The following FAM131B variants were observed in gnomAD, a reference collection of about 807,000 sequenced individuals.
FAM131B encodes the protein family with sequence similarity 131 member B, also known as protein FAM131B.
In FAM131B, 19 loss-of-function variants were observed where a neutral mutation model predicts 42.0. The ratio of observed to expected loss-of-function variants is 0.45; its 90% CI spans 0.32 to 0.66. The LOEUF (loss-of-function observed/expected upper bound fraction) is 0.66. FAM131B is among the 30% of genes least tolerant of loss of function. The pLI is 0.05. For missense variants in FAM131B, 370 were observed against 468.4 expected, an observed-to-expected ratio of 0.79 and a Z score of 1.94; for synonymous variants, 183 against 177.6, an observed-to-expected ratio of 1.03 and a Z score of -0.24.
the FAM131B span, among the ~76,000 whole-genome samples, chr7:143,374,367 A>T: frequency 6.6e-6 from 1 of 152,160 alleles, no homozygotes; most frequent in East Asian, 1.9e-4. Context: ...TCTGTGGACG[A>T]GTTCATGTCC....
chr7:143,359,038 C>T lies in FAM131B; in HGVS notation c.269-14G>A, dbSNP rs753457986. 2.5e-6 allele frequency: 4 copies of T among 1,611,444 alleles called. No individual in the cohort carries two copies. Among genetic ancestry groups the T allele is most frequent in the East Asian group, 4.5e-5 (2 of 44,840 alleles). On this transcript the variant is annotated splice_polypyrimidine_tract_variant and intron_variant, in intron 4 of 6. Transcript: ENST00000443739. This position sits in a 1 kb window ranked among gnomAD's most constrained non-coding sequence, Gnocchi z 5.4. Reference sequence around the variant, plus strand: ...TCCGTGAGATCCCTATGGGGCCAGACATTTCCCACATCCTCCAGAATATCA... The same window carrying T: ...TCCGTGAGATCCCTATGGGGCCAGATATTTCCCACATCCTCCAGAATATCA...
At position 143,359,737 on chromosome 7, in the gene FAM131B, T is replaced by C; in HGVS notation, c.169A>G (p.Ile57Val). The change falls in exon 3 of 7, where the codon ATC (isoleucine) becomes GTC (valine). Residue 57 changes from isoleucine to valine, a missense_variant. Ile to Val is a conservative substitution (Grantham distance 29, BLOSUM62 3). Coordinates refer to ENST00000443739, the MANE Select transcript of FAM131B (RefSeq NM_001031690.3). The surrounding 1 kb of genome is among the most constrained non-coding windows in gnomAD (Gnocchi z 5.4). ...QTRTDFSWDG[I>V]NLSMEDTTSI... Reference sequence around the variant, plus strand: ...CTGGGGGCAGCTGCACTCACGTTGATGCCGTCCCAGGAGAAATCAGTTCGA... The same window carrying C: ...CTGGGGGCAGCTGCACTCACGTTGACGCCGTCCCAGGAGAAATCAGTTCGA... 1 of 1,571,386 alleles carries C rather than the reference T, an allele frequency of 6.4e-7. No individual in the cohort carries two copies. The highest frequency in any genetic ancestry group is 8.6e-7 in the Non-Finnish European group (1 of 1,157,474).
chr7:143,361,295 C>G (rs1803958079), intron 1 of FAM131B: 1 of 135,814 alleles, frequency 7.4e-6, no homozygotes, highest in Non-Finnish European at 1.5e-5. Context: ...GATGGCCCTC[C>G]GGACACAGCA....
In FAM131B at chr7:143,356,959, C is replaced by T. The variant is rs1803688701; in HGVS notation, c.674G>A (p.Cys225Tyr). The change falls in exon 7 of 7, where the codon TGT becomes TAT. Residue 225 changes from cysteine (C) to tyrosine (Y), a missense_variant. Cys to Tyr is a radical substitution (Grantham distance 194). Coordinates refer to ENST00000443739, the MANE Select transcript of FAM131B (RefSeq NM_001031690.3). The surrounding 1 kb of genome is among the most constrained non-coding windows in gnomAD (Gnocchi z 4.4). ...PHSYVSQGMY[C>Y]LGSSDAWEAS... ...TTCCCAGGCATCTGACGACCCCAGA[C>T]AGTACATACCCTGGGACACGTAAGA... 6.2e-7 allele frequency: 1 copy of T among 1,613,930 alleles called. No individual in the cohort carries two copies. The highest frequency in any genetic ancestry group is 1.3e-5 in the African/African-American group (1 of 74,930).
the FAM131B span, chr7:143,381,856 T>C: frequency 7.3e-7 from 1 of 1,368,138 alleles, no homozygotes; most frequent in Admixed American, 2.8e-5. Flanking sequence ...TTTGGGGATG[T>C]CTGGAAAGGT....
chr7:143,374,481 T>C, the FAM131B span, among the ~76,000 whole-genome samples: 1 of 152,228 alleles, frequency 6.6e-6, no homozygotes, highest in African/African-American at 2.4e-5. Context: ...CACATCTGCA[T>C]TGGCCTCTCC....
the FAM131B span, among the ~76,000 whole-genome samples, chr7:143,374,262 T>G: frequency 6.6e-6 from 1 of 152,188 alleles, no homozygotes; most frequent in Non-Finnish European, 1.5e-5. Flanking sequence ...CTCCCAGACC[T>G]GTACTTTTCA....
In FAM131B at chr7:143,357,288, T is replaced by C; in HGVS notation, c.602A>G (p.Asp201Gly). Reference protein sequence around the residue: ...NYSDNYQELMDSQDALAQAPM... With the variant: ...NYSDNYQELMGSQDALAQAPM... The stretch of plus-strand genomic sequence containing the variant: ...TCTGGAACATCTCTCACCCTGACTG[T>C]CCATCAGTTCCTGGTAGTTGTCACT... Residue 201 changes from aspartate (D) to glycine (G), a missense_variant, in exon 6 of 7, where the codon GAC (aspartate) becomes GGC (glycine). Asp to Gly is a moderately conservative substitution (Grantham distance 94, BLOSUM62 -1). Transcript: ENST00000443739. 1 of 1,614,146 alleles carries C rather than the reference T, an allele frequency of 6.2e-7. No homozygotes were observed. Among genetic ancestry groups the C allele is most frequent in the South Asian group, 1.1e-5 (1 of 91,066 alleles).
At chr7:143,365,359 GA>G (rs1461187024), upstream of FAM131B, among the ~76,000 whole-genome samples, 1 of 152,190 alleles carries the variant, frequency 6.6e-6, no homozygotes, top group African/African-American at 2.4e-5. Flanking sequence ...AAGGAGGCAA[GA>G]TCATTTATTG....
At chr7:143,375,459 C>G in the FAM131B span, among the ~76,000 whole-genome samples, 1 of 152,120 alleles carries the variant, frequency 6.6e-6, no homozygotes, top group South Asian at 2.1e-4. Flanking sequence ...TTTTCTGAGA[C>G]AGTGTCCATT....
chr7:143,376,885 T>C, the FAM131B span, among the ~76,000 whole-genome samples: 62 of 152,360 alleles, frequency 4.1e-4, 1 homozygote, highest in Admixed American at 4.0e-3. Flanking sequence ...GTAATACATG[T>C]TCACAGGGAC....
chr7:143,364,961 G>A (rs1460037381), upstream of FAM131B, among the ~76,000 whole-genome samples: 2 of 152,108 alleles, frequency 1.3e-5, no homozygotes, highest in Non-Finnish European at 2.9e-5. Context: ...TAGGTACTTC[G>A]GTGGTACCTG....
chr7:143,382,028 G>A, the FAM131B span: 1 of 604,708 alleles, frequency 1.7e-6, no homozygotes, highest in South Asian at 2.2e-5. Flanking sequence ...CTCCGGGTCC[G>A]TTTTCCGAAG....
chr7:143,357,141 G>A, intron 6 of FAM131B, 119 bp from the exon 7 acceptor site: 1 of 1,130,104 alleles, frequency 8.8e-7, no homozygotes, highest in East Asian at 2.4e-5. Flanking sequence ...AAGACACAGA[G>A]TGCACAGTGA....
Position 143,362,642 on chromosome 7 carries a change from G to T in FAM131B, c.-39C>A. Reference sequence around the variant, plus strand: ...GCAGAGCCGGGCCCTCACCGACTCGGGGCGCGCGCCGGGGGGAGCACCGGG... The same window carrying T: ...GCAGAGCCGGGCCCTCACCGACTCGTGGCGCGCGCCGGGGGGAGCACCGGG... On this transcript the variant is annotated 5_prime_UTR_variant, in exon 1 of 7. Coordinates refer to ENST00000443739, the MANE Select transcript of FAM131B (RefSeq NM_001031690.3). The surrounding 1 kb of genome is among the most constrained non-coding windows in gnomAD (Gnocchi z 7.7). 8.4e-7 allele frequency: 1 copy of T among 1,191,132 alleles called. No homozygotes were observed. The highest frequency in any genetic ancestry group is 1.0e-6 in the Non-Finnish European group (1 of 959,016). The allele number at this position is 1,191,132 out of a possible 1,614,324, so 73.8% of individuals were successfully genotyped here.
At chr7:143,373,647 A>G in the FAM131B span, among the ~76,000 whole-genome samples, 9 of 152,318 alleles carry the variant, frequency 5.9e-5, no homozygotes, top group South Asian at 1.7e-3. Flanking sequence ...TGCTCAAAAA[A>G]GAGGAATGCT....
rs1359583281 is a variant in FAM131B at position 143,353,583 on chromosome 7, C to G, written c.*2967G>C. On this transcript the variant is annotated 3_prime_UTR_variant, in exon 7 of 7. Transcript: ENST00000443739. ...TTTATATATATTGATATAGAATTCT[C>G]TCTATAATATATGTCATAGAATCTC... 2 of 152,524 alleles carry G rather than the reference C, an allele frequency of 1.3e-5. No homozygotes were observed. Among genetic ancestry groups the G allele is most frequent in the South Asian group, 2.1e-4 (1 of 4,820 alleles). The allele number at this position is 152,524 out of a possible 1,614,324, so 9.4% of individuals were successfully genotyped here.
chr7:143,360,110 T>A lies in FAM131B; in HGVS notation c.68A>T (p.Asp23Val), dbSNP rs771365837. 6 of 1,613,956 alleles carry A rather than the reference T, an allele frequency of 3.7e-6. No homozygotes were observed. Among genetic ancestry groups the A allele is most frequent in the Non-Finnish European group, 5.1e-6 (6 of 1,179,976 alleles). The change falls in exon 2 of 7, where the codon GAT becomes GTT. Residue 23 changes from aspartate to valine, a missense_variant. Coordinates refer to ENST00000443739, the MANE Select transcript of FAM131B (RefSeq NM_001031690.3). The stretch of plus-strand genomic sequence containing the variant: ...GCTGTCCATGTTGATTTGATCGACA[T>A]CCTTCAGGCCCTTCCAATCCACTGC... Reference protein sequence around the residue: ...VIAVDWKGLKDVDQINMDSTS... With the variant: ...VIAVDWKGLKVVDQINMDSTS...
chr7:143,364,158 T>C (rs1804121851), upstream of FAM131B: 1 of 152,110 alleles, frequency 6.6e-6, no homozygotes. Context: ...ATTTCAATAG[T>C]GGAGAGAATT....
Sources: allele counts gnomAD v4.1 joint callset (sites outside exome capture counted in the v4.1 genomes callset), GRCh38; gene constraint gnomAD v4.1.1; non-coding constraint Gnocchi (gnomAD v3.1); transcripts MANE v1.5; gene names NCBI Gene and HGNC (gene_info 2026-07-23, HGNC 2026-07-21).